ADK: variants seen among roughly 807,000 people sequenced by gnomAD.
The protein encoded by ADK is N6,N6-dimethyladenosine kinase.
A neutral mutation model predicts 44.7 loss-of-function variants in ADK; 24 were observed. That is an observed-to-expected ratio of 0.54 (90% CI 0.39 to 0.76). The LOEUF (loss-of-function observed/expected upper bound fraction) is 0.76, where lower values mean the gene tolerates loss of function less well. Ranked by LOEUF, ADK falls within the 30% of genes least tolerant of loss-of-function variation. The pLI is 0.00. For missense variants in ADK, 321 were observed against 425.1 expected, an observed-to-expected ratio of 0.76 and a Z score of 2.15; for synonymous variants, 128 against 142.6, an observed-to-expected ratio of 0.90 and a Z score of 0.73.
intron 4 of ADK, among the ~76,000 whole-genome samples, chr10:74,362,278 A>G (rs528529247): frequency 4.7e-5 from 7 of 149,090 alleles, no homozygotes; most frequent in East Asian, 4.0e-4. Flanking sequence ...TCTTCTCACC[A>G]TATTTTTAAT....
chr10:74,218,331 A>C (rs1844146491), intron 2 of ADK, among the ~76,000 whole-genome samples: 1 of 152,206 alleles, frequency 6.6e-6, no homozygotes, highest in South Asian at 2.1e-4. Flanking sequence ...AAAGAATAAA[A>C]AGAAACAATC....
intron 4 of ADK, among the ~76,000 whole-genome samples, chr10:74,358,428 A>G (rs1358372831): frequency 6.6e-6 from 1 of 152,172 alleles, no homozygotes; most frequent in Non-Finnish European, 1.5e-5. Flanking sequence ...ACTTATTTCA[A>G]ATTTTATTCT....
intron 7 of ADK, among the ~76,000 whole-genome samples, chr10:74,570,448 A>C (rs924359032): frequency 2.1e-4 from 32 of 151,856 alleles, no homozygotes; most frequent in Admixed American, 9.8e-4. Flanking sequence ...CTTTTATTTC[A>C]TTGAGCAGTG....
chr10:74,244,822 G>A (rs1845352902), intron 3 of ADK, among the ~76,000 whole-genome samples: 1 of 152,146 alleles, frequency 6.6e-6, no homozygotes, highest in Non-Finnish European at 1.5e-5. Context: ...TAGGAAGAGG[G>A]CAAACTATGT....
intron 4 of ADK, among the ~76,000 whole-genome samples, chr10:74,320,937 A>G (rs1010592289): frequency 6.6e-6 from 1 of 152,314 alleles, no homozygotes; most frequent in South Asian, 2.1e-4. Flanking sequence ...GGACTCTTTC[A>G]TTCATGCTTC....
chr10:74,296,099 A>C (rs1355673930), intron 3 of ADK, among the ~76,000 whole-genome samples: 1 of 127,704 alleles, frequency 7.8e-6, no homozygotes, highest in Non-Finnish European at 1.7e-5. Flanking sequence ...TTTGGGTTTC[A>C]TTTGCAGTTT....
At chr10:74,290,748 T>G (rs996442907) in intron 3 of ADK, among the ~76,000 whole-genome samples, 2 of 152,184 alleles carry the variant, frequency 1.3e-5, no homozygotes, top group African/African-American at 4.8e-5. Context: ...ATGTTTAAAT[T>G]TAATTTTTCC....
intron 9 of ADK, among the ~76,000 whole-genome samples, chr10:74,637,908 C>T (rs1000789084): frequency 3.9e-5 from 6 of 152,102 alleles, no homozygotes; most frequent in Non-Finnish European, 8.8e-5. Context: ...ATGAGTAATA[C>T]CTATTCAAAC....
chr10:74,224,386 A>G, intron 2 of ADK, 152 bp from the exon 3 acceptor site: 3 of 675,966 alleles, frequency 4.4e-6, no homozygotes, highest in Non-Finnish European at 8.2e-6. Context: ...CTAATAGAAC[A>G]GCAAAAAACC....
intron 1 of ADK, among the ~76,000 whole-genome samples, chr10:74,195,698 CTTTTCTTTCTTTTTTTTT>C (rs1843111905): frequency 9.1e-6 from 1 of 109,330 alleles, no homozygotes; most frequent in African/African-American, 3.6e-5. Flanking sequence ...CTTTCTTTTT[CTTTTCTTTCTTTTTTTTT>C]TTTTTTTTTT....
chr10:74,293,985 G>T (rs1386739828), intron 3 of ADK, among the ~76,000 whole-genome samples: 1 of 152,178 alleles, frequency 6.6e-6, no homozygotes. Context: ...TAACATTGGA[G>T]ATTACCTTTG....
chr10:74,204,426 A>G (rs1030054648), intron 2 of ADK, among the ~76,000 whole-genome samples: 6 of 152,104 alleles, frequency 3.9e-5, no homozygotes, highest in Non-Finnish European at 8.8e-5. Flanking sequence ...ATTATGGGGG[A>G]CAATAATTTT....
intron 1 of ADK, among the ~76,000 whole-genome samples, chr10:74,173,385 G>A (rs900427236): frequency 4.6e-5 from 7 of 150,954 alleles, no homozygotes; most frequent in Non-Finnish European, 1.0e-4. Flanking sequence ...GAGCCACTGC[G>A]CCCGGCTAGG....
intron 6 of ADK, among the ~76,000 whole-genome samples, chr10:74,474,538 C>T (rs756434184): frequency 2.7e-5 from 4 of 150,384 alleles, no homozygotes; most frequent in Admixed American, 6.7e-5. Context: ...TCCTTTCTTT[C>T]CTTTCTCTCC....
At chr10:74,541,355 A>T (rs1055206714) in intron 7 of ADK, among the ~76,000 whole-genome samples, 2 of 152,156 alleles carry the variant, frequency 1.3e-5, no homozygotes, top group Non-Finnish European at 2.9e-5. Flanking sequence ...TAATATGGCT[A>T]TATAGAATGT....
intron 10 of ADK, among the ~76,000 whole-genome samples, chr10:74,689,839 G>T (rs1855924011): frequency 1.3e-5 from 2 of 152,170 alleles, no homozygotes; most frequent in African/African-American, 2.4e-5. Context: ...CAACAAACTT[G>T]TTTATTTTTC....
intron 7 of ADK, among the ~76,000 whole-genome samples, chr10:74,573,805 C>T (rs983157810): frequency 1.3e-5 from 2 of 152,196 alleles, no homozygotes; most frequent in East Asian, 1.9e-4. Flanking sequence ...TAGGACCCTC[C>T]GAGCCAGGTG....
chr10:74,303,612 T>TTTTTTTTTTTTTTTA (rs1840151349), intron 3 of ADK, among the ~76,000 whole-genome samples: 1 of 140,880 alleles, frequency 7.1e-6, no homozygotes. Context: ...TTTTTTTTTT[T>TTTTTTTTTTTTTTTA]TTGCTAGAAA....
intron 9 of ADK, among the ~76,000 whole-genome samples, chr10:74,622,574 G>C (rs1343893910): frequency 6.6e-6 from 1 of 152,080 alleles, no homozygotes; most frequent in Non-Finnish European, 1.5e-5. Context: ...AGAAAGTTAA[G>C]TGGGCTTATC....
Sources: allele counts gnomAD v4.1 joint callset (sites outside exome capture counted in the v4.1 genomes callset), GRCh38; gene constraint gnomAD v4.1.1; transcripts MANE v1.5; gene names NCBI Gene and HGNC (gene_info 2026-07-23, HGNC 2026-07-21).